Variants in TAB3 observed in about 807,000 individuals in gnomAD.
The protein encoded by TAB3 is TGF-beta-activated kinase 1 and MAP3K7-binding protein 3.
Under a neutral mutation model 48.1 loss-of-function variants are expected in TAB3, and 18 were observed. The observed-to-expected ratio is 0.37, with a 90% CI of 0.26 to 0.55. The LOEUF (loss-of-function observed/expected upper bound fraction) is 0.55, where lower values mean the gene tolerates loss of function less well. TAB3 is among the 20% of genes least tolerant of loss of function. TAB3 has a pLI of 0.78. For synonymous variants in TAB3, 185 were observed against 190.2 expected (o/e 0.97, Z 0.22); for missense variants, 414 against 549.8 (o/e 0.75, Z 2.47).
intron 4 of TAB3, among the ~76,000 whole-genome samples, chrX:30,860,903 A>C (rs1939230187): frequency 8.9e-6 from 1 of 111,850 alleles, no homozygotes; most frequent in African/African-American, 3.2e-5. Flanking sequence ...GGTATTAGAC[A>C]ATGAAGCATT....
rs768097610 is a variant in TAB3 at position 30,829,139 on chromosome X, T to C, written c.*2288A>G. The C allele has an allele frequency of 4.5e-5, 5 of 112,339 alleles. No individual in the cohort carries two copies. Among genetic ancestry groups the C allele is most frequent in the African/African-American group, 1.6e-4 (5 of 30,873 alleles). 9.3% of individuals were successfully genotyped at this position (112,339 alleles called of 1,213,427 possible). A position where few individuals can be genotyped will look rare whatever the true frequency, so the allele number is the denominator to read the frequency against. On this transcript the variant is annotated 3_prime_UTR_variant, in exon 11 of 11. Transcript: ENST00000288422. The stretch of plus-strand genomic sequence containing the variant: ...TTTTCCTGGCAGGTGAAAACAATGA[T>C]TGACTAGATAATATCACCAAAGGAT...
At position 30,868,601 on chromosome X, in the gene TAB3, AGAGAGAGAGAGAGAGAGC is replaced by A. The variant is rs1939567974; in HGVS notation, c.-279-1070_-279-1053del. On this transcript the variant is annotated intron_variant, in intron 2 of 10. Coordinates refer to ENST00000288422, the MANE Select transcript of TAB3 (RefSeq NM_152787.5). ...TATATATATATAGAGAGAGAGAGAGAGAGAGAGAGAGAGAGAGCGCGTGGGGGGGAGAGACAGAGAGAG... is the reference window on the plus strand; with the variant it reads ...TATATATATATAGAGAGAGAGAGAGAGCGTGGGGGGGAGAGACAGAGAGAG... 2.8e-5 allele frequency among the ~76,000 whole-genome samples: 2 copies of A among 70,999 alleles called. 1 individual carries two copies. The highest frequency in any genetic ancestry group is 5.1e-5 in the Non-Finnish European group (2 of 39,330). The allele number at this position is 70,999 out of a possible 115,157, so 61.7% of individuals were successfully genotyped here.
At chrX:30,857,955 G>T (rs1939127877) in intron 5 of TAB3, among the ~76,000 whole-genome samples, 1 of 111,642 alleles carries the variant, frequency 9.0e-6, no homozygotes, top group Admixed American at 9.6e-5. Flanking sequence ...AATTGAGGAT[G>T]ATACACCCCA....
intron 1 of TAB3, among the ~76,000 whole-genome samples, chrX:30,887,614 T>C (rs1002532638): frequency 5.3e-5 from 6 of 112,589 alleles, no homozygotes; most frequent in Admixed American, 9.4e-5. Flanking sequence ...CCAAAGAATA[T>C]TGGAGGTTAG....
At chrX:30,870,004 C>A (rs1476824112) in intron 2 of TAB3, among the ~76,000 whole-genome samples, 1 of 112,310 alleles carries the variant, frequency 8.9e-6, no homozygotes, top group African/African-American at 3.2e-5. Flanking sequence ...ATAGTGACTT[C>A]AAATATGGTG....
chrX:30,833,651 G>A (rs896417959), intron 10 of TAB3, among the ~76,000 whole-genome samples: 1 of 109,505 alleles, frequency 9.1e-6, no homozygotes, highest in Admixed American at 9.7e-5. Flanking sequence ...CTAACACAGT[G>A]AAACCCCGTC....
intron 4 of TAB3, among the ~76,000 whole-genome samples, chrX:30,860,963 T>C (rs1215380019): frequency 8.9e-6 from 1 of 112,069 alleles, no homozygotes; most frequent in Non-Finnish European, 1.9e-5. Context: ...GAAAAAAATA[T>C]ATGTACATGT....
At position 30,859,360 on chromosome X, in the gene TAB3, CCACACACACA is replaced by C. The variant is rs137921689; in HGVS notation, c.102+117_102+126del. The C allele has an allele frequency of 4.4e-4, 172 of 391,952 alleles. No individual in the cohort carries two copies. In the Middle Eastern group the frequency reaches 6.3e-3, roughly 14 times the overall value. The allele number at this position is 391,952 out of a possible 1,213,427, so 32.3% of individuals were successfully genotyped here. ...TGCCAAGGTTGAGGGAAATCCTGCT[CCACACACACA>C]CACACACACACACACACACACAAGA... On this transcript the variant is annotated intron_variant, in intron 5 of 10. Coordinates refer to ENST00000288422, the MANE Select transcript of TAB3 (RefSeq NM_152787.5).
At position 30,855,374 on chromosome X, in the gene TAB3, T is replaced by C. The variant is rs748526039; in HGVS notation, c.291A>G (p.Thr97=). 5 of 1,211,497 alleles carry C rather than the reference T, an allele frequency of 4.1e-6. No homozygotes were observed. Among genetic ancestry groups the C allele is most frequent in the East Asian group, 5.9e-5 (2 of 33,839 alleles). The change falls in exon 6 of 11, where the codon ACA becomes ACG. Residue 97 remains threonine (T), a synonymous_variant. Transcript: ENST00000288422. The part of the protein sequence containing the change: ...GDGAQLNGGR[T]LVHSSSDGHI... The stretch of plus-strand genomic sequence containing the variant: ...GTCCATCACTTGAGCTATGTACCAG[T>C]GTTCGACCACCATTAAGTTGGGCTC...
chrX:30,836,603 G>A (rs1025158670), intron 9 of TAB3: 1 of 111,979 alleles, frequency 8.9e-6, no homozygotes, highest in Non-Finnish European at 1.9e-5. Flanking sequence ...AGCACTTTGG[G>A]AGGCCAAGGC....
intron 9 of TAB3, among the ~76,000 whole-genome samples, chrX:30,842,666 A>AG (rs1206052940): frequency 1.8e-5 from 2 of 109,283 alleles, no homozygotes; most frequent in African/African-American, 3.3e-5. Flanking sequence ...AAAATAAAAA[A>AG]AAATTAGCTG....
Position 30,868,588 on chromosome X carries a change from G to T in TAB3, c.-279-1039C>A, listed in dbSNP as rs544721172. Among the ~76,000 whole-genome samples, 62 of 45,593 alleles carry T rather than the reference G, an allele frequency of 1.4e-3. 3 individuals are homozygous for T. The highest frequency in any genetic ancestry group is 2.3e-3 in the East Asian group (3 of 1,301). The allele number at this position is 45,593 out of a possible 115,157, so 39.6% of individuals were successfully genotyped here. A position where few individuals can be genotyped will look rare whatever the true frequency, so the allele number is the denominator to read the frequency against. On this transcript the variant is annotated intron_variant, in intron 2 of 10. Coordinates refer to ENST00000288422, the MANE Select transcript of TAB3 (RefSeq NM_152787.5). ...TAGCTTATATATATATATATATATAGAGAGAGAGAGAGAGAGAGAGAGAGA... is the reference window on the plus strand; with the variant it reads ...TAGCTTATATATATATATATATATATAGAGAGAGAGAGAGAGAGAGAGAGA...
At position 30,866,605 on chromosome X, in the gene TAB3, T is replaced by A. The variant is rs148023412; in HGVS notation, c.-91+510A>T. 1.0e-3 allele frequency among the ~76,000 whole-genome samples: 112 copies of A among 110,200 alleles called. No homozygotes were observed. The East Asian group carries it at 0.031, about 31-fold the overall frequency. ...TCCCAATGGTCAAAGCTGGAAAAATTTGAACACCAAAATAAATAAAGTAGT... is the reference window on the plus strand; with the variant it reads ...TCCCAATGGTCAAAGCTGGAAAAATATGAACACCAAAATAAATAAAGTAGT... On this transcript the variant is annotated intron_variant, in intron 4 of 10. Transcript: ENST00000288422.
intron 1 of TAB3, among the ~76,000 whole-genome samples, chrX:30,886,739 T>C (rs1169153023): frequency 1.8e-5 from 2 of 112,691 alleles, no homozygotes; most frequent in Admixed American, 1.9e-4. Flanking sequence ...AGACATTTAG[T>C]ATCTTTTTCT....
chrX:30,849,140 T>C (rs188323738), intron 7 of TAB3, among the ~76,000 whole-genome samples: 3 of 112,318 alleles, frequency 2.7e-5, no homozygotes, highest in Non-Finnish European at 5.6e-5. Flanking sequence ...TACTGCCTTA[T>C]ATTTTCTCTC....
chrX:30,847,899 T>A (rs1340877110), intron 7 of TAB3, among the ~76,000 whole-genome samples: 2 of 112,367 alleles, frequency 1.8e-5, no homozygotes, highest in Non-Finnish European at 3.8e-5. Flanking sequence ...AAAAGTCGTT[T>A]AGAAATATTT....
intron 1 of TAB3, among the ~76,000 whole-genome samples, chrX:30,881,347 A>G (rs1438292246): frequency 9.0e-6 from 1 of 110,744 alleles, no homozygotes; most frequent in African/African-American, 3.3e-5. Context: ...AACTTCAGTA[A>G]GAGGTTTTTT....
At chrX:30,841,712 A>G (rs1251660620) in intron 9 of TAB3, among the ~76,000 whole-genome samples, 2 of 112,059 alleles carry the variant, frequency 1.8e-5, no homozygotes, top group Non-Finnish European at 1.9e-5. Context: ...CCACTGTTCT[A>G]TGTGTCTTCA....
chrX:30,886,615 C>CT (rs1202177695), intron 1 of TAB3, among the ~76,000 whole-genome samples: 1 of 112,349 alleles, frequency 8.9e-6, no homozygotes, highest in Non-Finnish European at 1.9e-5. Context: ...CAATGTACTT[C>CT]TTAAAAGATG....
Sources: gnomAD v4.1 joint callset for allele counts (sites outside exome capture counted in the v4.1 genomes callset) on GRCh38, gnomAD v4.1.1 for gene constraint, MANE v1.5 for transcripts, NCBI Gene and HGNC (gene_info 2026-07-23, HGNC 2026-07-21) for gene names.